The following BCR variants were observed in gnomAD, a reference collection of about 807,000 sequenced individuals.
BCR encodes breakpoint cluster region protein.
BCR carries 58 observed loss-of-function variants against 138.6 expected under a neutral mutation model. The observed-to-expected ratio is 0.42, with a 90% CI of 0.34 to 0.52. The LOEUF (loss-of-function observed/expected upper bound fraction) is 0.52, where lower values mean the gene tolerates loss of function less well. Ranked by LOEUF, BCR falls within the 20% of genes least tolerant of loss-of-function variation. The pLI, the probability that BCR is intolerant of heterozygous loss-of-function variation, is 0.06. For missense variants in BCR, 1,599 were observed against 1,727.2 expected (o/e 0.93, Z 1.32); for synonymous variants, 786 against 730.1 (o/e 1.08, Z -1.23).
At chr22:23,298,619 G>A (rs183810298) in intron 16 of BCR, among the ~76,000 whole-genome samples, 5 of 148,932 alleles carry the variant, frequency 3.4e-5, no homozygotes, top group East Asian at 3.9e-4. Context: ...CTTCTTCTTC[G>A]GAGTCTCACT....
At chr22:23,238,489 C>T (rs1362460370) in intron 1 of BCR, among the ~76,000 whole-genome samples, 2 of 152,108 alleles carry the variant, frequency 1.3e-5, no homozygotes, top group Non-Finnish European at 2.9e-5. Context: ...CCCCAGGATA[C>T]CTGAAGTTGG....
Position 23,261,350 on chromosome 22 carries a change from T to TC in BCR, c.1567-3dup. Reference sequence around the variant, plus strand: ...CTGTGCTACCTCACTTGTGCCCTCTTCCAGCCCATGAAGCCTTTGAAAGCC... The same window carrying TC: ...CTGTGCTACCTCACTTGTGCCCTCTTCCCAGCCCATGAAGCCTTTGAAAGCC... On this transcript the variant is annotated splice_polypyrimidine_tract_variant and splice_region_variant and intron_variant, in intron 3 of 22. Transcript: ENST00000305877. The TC allele has an allele frequency of 6.2e-7, 1 of 1,610,746 alleles. No individual in the cohort carries two copies. Among genetic ancestry groups the TC allele is most frequent in the Non-Finnish European group, 8.5e-7 (1 of 1,178,214 alleles).
intron 2 of BCR, among the ~76,000 whole-genome samples, chr22:23,258,572 C>T (rs748373540): frequency 3.3e-5 from 5 of 152,220 alleles, no homozygotes; most frequent in Non-Finnish European, 5.9e-5. Context: ...TGACCTCAGT[C>T]AGATCCTTCC....
At chr22:23,214,775 G>A (rs1044307125) in intron 1 of BCR, among the ~76,000 whole-genome samples, 3 of 152,210 alleles carry the variant, frequency 2.0e-5, no homozygotes, top group Non-Finnish European at 4.4e-5. Context: ...GGTCAAAGTA[G>A]GCTGGGCTTT....
chr22:23,197,786 G>A (rs2146206417), intron 1 of BCR, among the ~76,000 whole-genome samples: 1 of 152,216 alleles, frequency 6.6e-6, no homozygotes, highest in East Asian at 1.9e-4. Flanking sequence ...TCCAGTGGGA[G>A]TCAGGTACCT....
intron 4 of BCR, among the ~76,000 whole-genome samples, chr22:23,266,004 A>G (rs2073436680): frequency 2.0e-5 from 3 of 152,130 alleles, no homozygotes; most frequent in Admixed American, 2.0e-4. Context: ...CATGTTATGT[A>G]CTTGGTTGTC....
At chr22:23,262,555 C>A (rs2073373527) in intron 4 of BCR, among the ~76,000 whole-genome samples, 1 of 152,238 alleles carries the variant, frequency 6.6e-6, no homozygotes, top group Non-Finnish European at 1.5e-5. Flanking sequence ...TGAAGCCCCC[C>A]CACCCCCGTT....
intron 1 of BCR, among the ~76,000 whole-genome samples, chr22:23,206,326 G>A (rs1484682162): frequency 6.6e-6 from 1 of 152,178 alleles, no homozygotes; most frequent in Admixed American, 6.5e-5. Flanking sequence ...TGTAATCCCA[G>A]CACTTTGGGA....
Position 23,250,343 on chromosome 22 carries a change from G to A in BCR, c.1280-3456G>A, listed in dbSNP as rs76925640. ...TCGTCTTCAGATAAACAGCAAAACCGTTGGTTAAAAGCTGGTCTAACCCAC... is the reference window on the plus strand; with the variant it reads ...TCGTCTTCAGATAAACAGCAAAACCATTGGTTAAAAGCTGGTCTAACCCAC... On this transcript the variant is annotated intron_variant, in intron 1 of 22. Coordinates refer to ENST00000305877, the MANE Select transcript of BCR (RefSeq NM_004327.4). Among the ~76,000 whole-genome samples the A allele has an allele frequency of 2.3e-3, 353 of 152,356 alleles. 3 individuals are homozygous for A. Among genetic ancestry groups the A allele is most frequent in the African/African-American group, 8.0e-3 (333 of 41,588 alleles).
intron 1 of BCR, chr22:23,198,296 G>A (rs747502352): frequency 6.7e-6 from 3 of 445,042 alleles, no homozygotes; most frequent in Non-Finnish European, 1.3e-5. Flanking sequence ...CTGTTCCGGG[G>A]CAGGGCCACA....
At chr22:23,301,273 T>C (rs1568981441) in intron 16 of BCR, among the ~76,000 whole-genome samples, 1 of 152,222 alleles carries the variant, frequency 6.6e-6, no homozygotes, top group Non-Finnish European at 1.5e-5. Flanking sequence ...GCCACTGCAC[T>C]CCAGCCTGGG....
chr22:23,191,772 C>T (rs1437486149), intron 1 of BCR, among the ~76,000 whole-genome samples: 1 of 152,142 alleles, frequency 6.6e-6, no homozygotes. Context: ...TCAGACCTTC[C>T]CCTGTTCTGG....
chr22:23,301,693 C>A (rs558106795), intron 16 of BCR, among the ~76,000 whole-genome samples: 14 of 152,396 alleles, frequency 9.2e-5, no homozygotes, highest in African/African-American at 2.9e-4. Flanking sequence ...TTGCCACATC[C>A]TTCCTTTCCA....
chr22:23,276,500 T>C (rs1334392752), intron 8 of BCR, among the ~76,000 whole-genome samples: 2 of 152,010 alleles, frequency 1.3e-5, no homozygotes, highest in East Asian at 1.9e-4. Context: ...GGGCACTTGC[T>C]CATTGAGGAG....
chr22:23,208,262 C>G (rs1342969006), intron 1 of BCR, among the ~76,000 whole-genome samples: 1 of 152,142 alleles, frequency 6.6e-6, no homozygotes, highest in Admixed American at 6.5e-5. Flanking sequence ...GCCCTTCCCC[C>G]TCGAGGGCCT....
intron 1 of BCR, among the ~76,000 whole-genome samples, chr22:23,217,518 AG>A (rs1411829843): frequency 6.6e-6 from 1 of 152,160 alleles, no homozygotes; most frequent in African/African-American, 2.4e-5. Context: ...TCTGTAAGGT[AG>A]GCGTGGGGCT....
intron 10 of BCR, among the ~76,000 whole-genome samples, chr22:23,286,342 G>A (rs1340594701): frequency 6.6e-6 from 1 of 152,232 alleles, no homozygotes; most frequent in Admixed American, 6.5e-5. Flanking sequence ...GGTATGCCCA[G>A]GTAGGGTGGA....
chr22:23,259,968 A>T (rs576491216), intron 2 of BCR, among the ~76,000 whole-genome samples: 235 of 152,314 alleles, frequency 1.5e-3, no homozygotes, highest in African/African-American at 5.4e-3. Flanking sequence ...AGCCTGAGCG[A>T]CAGAGTGAGA....
At chr22:23,229,275 C>T (rs184821666) in intron 1 of BCR, among the ~76,000 whole-genome samples, 125 of 152,142 alleles carry the variant, frequency 8.2e-4, no homozygotes, top group East Asian at 6.6e-3. Context: ...GTCCTTTCTT[C>T]TTAGAGCATG....
Sources: gnomAD v4.1 joint callset for allele counts (sites outside exome capture counted in the v4.1 genomes callset) on GRCh38, gnomAD v4.1.1 for gene constraint, MANE v1.5 for transcripts, NCBI Gene and HGNC (gene_info 2026-07-23, HGNC 2026-07-21) for gene names.